Variants in HMGCLL1 observed in about 807,000 individuals in gnomAD.
The protein encoded by HMGCLL1 is 3-hydroxymethyl-3-methylglutaryl-CoA lyase, cytoplasmic.
A neutral mutation model predicts 39.1 loss-of-function variants in HMGCLL1; 36 were observed. The ratio of observed to expected loss-of-function variants is 0.92; its 90% CI spans 0.71 to 1.22. The LOEUF is 1.22. Among genes scored for constraint, HMGCLL1 ranks in the 50% most tolerant of loss-of-function variants. The pLI is 0.00. For synonymous variants in HMGCLL1, 149 were observed against 144.0 expected (o/e 1.03, Z -0.25); for missense variants, 451 against 416.5 (o/e 1.08, Z -0.72).
the HMGCLL1 span, among the ~76,000 whole-genome samples, chr6:55,660,331 T>C: frequency 2.6e-5 from 4 of 151,818 alleles, no homozygotes; most frequent in South Asian, 8.3e-4. Context: ...CTAAGCCTAG[T>C]ACCCAATAAT....
At chr6:55,537,778 C>T (rs1446243268) in intron 3 of HMGCLL1, among the ~76,000 whole-genome samples, 7 of 152,178 alleles carry the variant, frequency 4.6e-5, no homozygotes, top group Admixed American at 1.3e-4. Flanking sequence ...GAAGCACTTC[C>T]TCTCACCACA....
chr6:55,528,674 C>T (rs1768462684), intron 3 of HMGCLL1, among the ~76,000 whole-genome samples: 1 of 150,866 alleles, frequency 6.6e-6, no homozygotes, highest in Admixed American at 6.6e-5. Flanking sequence ...CCTGTCTTGG[C>T]TGCCAAAGCT....
At chr6:55,444,189 G>A (rs1763720246) in intron 7 of HMGCLL1, among the ~76,000 whole-genome samples, 1 of 151,978 alleles carries the variant, frequency 6.6e-6, no homozygotes, top group South Asian at 2.1e-4. Flanking sequence ...AAATGAGTAG[G>A]AATATACAGT....
chr6:55,586,433 T>C, the HMGCLL1 span, among the ~76,000 whole-genome samples: 1 of 151,846 alleles, frequency 6.6e-6, no homozygotes, highest in African/African-American at 2.4e-5. Flanking sequence ...TTAAGGTACA[T>C]GTGCACAATG....
chr6:55,513,605 T>C (rs1219703235), intron 5 of HMGCLL1: 1 of 158,458 alleles, frequency 6.3e-6, no homozygotes. Context: ...CTCAATTTTA[T>C]ATCTGCTGTA....
At chr6:55,472,233 C>T (rs1249135071) in intron 7 of HMGCLL1, among the ~76,000 whole-genome samples, 3 of 151,554 alleles carry the variant, frequency 2.0e-5, no homozygotes, top group African/African-American at 7.3e-5. Context: ...ATTTAAACTC[C>T]CAACAGCAAT....
chr6:55,559,709 T>C (rs1436998226), intron 1 of HMGCLL1, among the ~76,000 whole-genome samples: 1 of 152,134 alleles, frequency 6.6e-6, no homozygotes, highest in Admixed American at 6.5e-5. Context: ...ATCTAATTCT[T>C]CGATGTGCAG....
At chr6:55,528,424 A>G (rs1359008137) in intron 3 of HMGCLL1, among the ~76,000 whole-genome samples, 1 of 152,072 alleles carries the variant, frequency 6.6e-6, no homozygotes, top group East Asian at 1.9e-4. Context: ...GCTCTTCCTG[A>G]CAACCCTGGG....
chr6:55,676,206 A>T, the HMGCLL1 span, among the ~76,000 whole-genome samples: 1 of 152,184 alleles, frequency 6.6e-6, no homozygotes, highest in Non-Finnish European at 1.5e-5. Context: ...CACATCACAG[A>T]ACAAACACTC....
At chr6:55,650,468 G>A in the HMGCLL1 span, among the ~76,000 whole-genome samples, 1 of 151,588 alleles carries the variant, frequency 6.6e-6, no homozygotes, top group Non-Finnish European at 1.5e-5. Context: ...AAAATATATG[G>A]AGTCCCTCTC....
At chr6:55,542,347 T>C (rs1369666214) in intron 1 of HMGCLL1, among the ~76,000 whole-genome samples, 2 of 152,140 alleles carry the variant, frequency 1.3e-5, no homozygotes, top group Admixed American at 1.3e-4. Context: ...TGATATTTAG[T>C]CTAGTTATGA....
chr6:55,649,175 G>A, the HMGCLL1 span, among the ~76,000 whole-genome samples: 1 of 152,130 alleles, frequency 6.6e-6, no homozygotes, highest in East Asian at 1.9e-4. Context: ...TATTACCAGT[G>A]AGTTTTGTAC....
chr6:55,652,117 T>C, the HMGCLL1 span, among the ~76,000 whole-genome samples: 1 of 152,074 alleles, frequency 6.6e-6, no homozygotes, highest in Non-Finnish European at 1.5e-5. Context: ...TGTCAAAATT[T>C]GGAGTTCCGT....
At chr6:55,648,771 G>A in the HMGCLL1 span, among the ~76,000 whole-genome samples, 1 of 97,638 alleles carries the variant, frequency 1.0e-5, no homozygotes, top group African/African-American at 4.1e-5. Flanking sequence ...ATTCACAGCC[G>A]AATTCTACCA....
chr6:55,475,660 A>G (rs6905463), intron 7 of HMGCLL1, among the ~76,000 whole-genome samples: 30,875 of 151,620 alleles, frequency 0.2, 3,172 homozygotes, highest in African/African-American at 0.26. Flanking sequence ...ATTGTAATAT[A>G]GCCTGTTTAT....
At chr6:55,524,727 A>T (rs371659551) in intron 3 of HMGCLL1, among the ~76,000 whole-genome samples, 1 of 152,006 alleles carries the variant, frequency 6.6e-6, no homozygotes, top group South Asian at 2.1e-4. Flanking sequence ...CAGAAACGCG[A>T]TCCTTGAAGA....
At chr6:55,502,582 T>C (rs12110483) in intron 5 of HMGCLL1, among the ~76,000 whole-genome samples, 102,449 of 151,660 alleles carry the variant, frequency 0.68, 34,640 homozygotes, top group Non-Finnish European at 0.7. Flanking sequence ...ACATAATCTG[T>C]TGTTCCCTTT....
intron 7 of HMGCLL1, among the ~76,000 whole-genome samples, chr6:55,464,956 G>C (rs1405668062): frequency 6.6e-6 from 1 of 152,118 alleles, no homozygotes; most frequent in Non-Finnish European, 1.5e-5. Flanking sequence ...GAACAAGACG[G>C]CTAGGGATTT....
rs1766749055 is a variant in HMGCLL1, at chr6:55,499,283, G to A, written c.559C>T (p.Leu187=). 6.2e-7 allele frequency: 1 copy of A among 1,607,694 alleles called. No individual in the cohort carries two copies. Among genetic ancestry groups the A allele is most frequent in the Non-Finnish European group, 8.5e-7 (1 of 1,176,740 alleles). ...IPARGYVSCA[L]GCPYEGSITP... is the part of the protein sequence containing the mutation. ...ATACTTCCTTCATATGGACAGCCCAGAGCACAAGACACATACCTAAATTAA... is the reference window on the plus strand; with the variant it reads ...ATACTTCCTTCATATGGACAGCCCAAAGCACAAGACACATACCTAAATTAA... The change falls in exon 6 of 9, where the codon CTG becomes TTG. Residue 187 remains leucine, a synonymous_variant. Coordinates refer to ENST00000274901, the MANE Select transcript of HMGCLL1 (RefSeq NM_001042406.2).
Sources: allele counts gnomAD v4.1 joint callset (sites outside exome capture counted in the v4.1 genomes callset), GRCh38; gene constraint gnomAD v4.1.1; transcripts MANE v1.5; gene names NCBI Gene and HGNC (gene_info 2026-07-23, HGNC 2026-07-21).